ANKRD44: variants seen among roughly 807,000 people sequenced by gnomAD.
ANKRD44 encodes serine/threonine-protein phosphatase 6 regulatory ankyrin repeat subunit B.
A neutral mutation model predicts 116.0 loss-of-function variants in ANKRD44; 35 were observed. That is an observed-to-expected ratio of 0.30 (90% CI 0.23 to 0.40). ANKRD44 has a LOEUF of 0.40. Ranked by LOEUF, ANKRD44 falls within the 10% of genes least tolerant of loss-of-function variation. The pLI, the probability that ANKRD44 is intolerant of heterozygous loss-of-function variation, is 1.00. For missense variants in ANKRD44, 1,014 were observed against 1,242.6 expected, an observed-to-expected ratio of 0.82 and a Z score of 2.77; for synonymous variants, 435 against 461.8, an observed-to-expected ratio of 0.94 and a Z score of 0.74.
At chr2:197,016,290 C>T (rs539196034) in intron 17 of ANKRD44, among the ~76,000 whole-genome samples, 6 of 152,184 alleles carry the variant, frequency 3.9e-5, no homozygotes, top group African/African-American at 1.2e-4. Flanking sequence ...TTTTATCTGT[C>T]GTAGCTTTAT....
At position 197,118,670 on chromosome 2, in the gene ANKRD44, A is replaced by AGAAG. The variant is rs60392063; in HGVS notation, c.906+2661_906+2662insCTTC. Among the ~76,000 whole-genome samples the AGAAG allele has an allele frequency of 6.8e-3, 1,027 of 151,494 alleles. 6 individuals are homozygous for AGAAG. Among genetic ancestry groups the AGAAG allele is most frequent in the Middle Eastern group, 0.031 (9 of 292 alleles). On this transcript the variant is annotated intron_variant, in intron 8 of 27. Transcript: ENST00000282272. Reference sequence around the variant, plus strand: ...AAGAAAGAAAGAAAGAAAGAAAGAAAGAAAGAAAAACCTAAATCATAATTT... The same window carrying AGAAG: ...AAGAAAGAAAGAAAGAAAGAAAGAAAGAAGGAAAGAAAAACCTAAATCATAATTT...
chr2:197,304,278 T>A (rs992566264), intron 1 of ANKRD44, among the ~76,000 whole-genome samples: 3 of 152,120 alleles, frequency 2.0e-5, no homozygotes, highest in Non-Finnish European at 2.9e-5. Context: ...TGCACCACTA[T>A]ACTCCAGCCT....
chr2:197,146,063 A>G (rs760528548), intron 3 of ANKRD44, among the ~76,000 whole-genome samples: 4 of 152,244 alleles, frequency 2.6e-5, no homozygotes, highest in Admixed American at 1.3e-4. Flanking sequence ...TTGGTGAGAT[A>G]TACTGAGCAT....
At chr2:197,016,323 C>T (rs1226090147) in intron 17 of ANKRD44, among the ~76,000 whole-genome samples, 1 of 152,000 alleles carries the variant, frequency 6.6e-6, no homozygotes, top group Non-Finnish European at 1.5e-5. Flanking sequence ...CTTTTCATTA[C>T]GTCAGGTATA....
chr2:197,297,500 C>T (rs1294743289), intron 1 of ANKRD44, among the ~76,000 whole-genome samples: 1 of 152,182 alleles, frequency 6.6e-6, no homozygotes, highest in East Asian at 1.9e-4. Context: ...CAAGGACCAC[C>T]TGCTATACAA....
chr2:197,307,943 G>A (rs938194399), intron 1 of ANKRD44, among the ~76,000 whole-genome samples: 21 of 152,158 alleles, frequency 1.4e-4, no homozygotes, highest in African/African-American at 4.6e-4. Flanking sequence ...GCTGAGGCAG[G>A]TGGACTGTTT....
At chr2:197,023,933 A>G (rs1055334653) in intron 17 of ANKRD44, among the ~76,000 whole-genome samples, 2 of 152,154 alleles carry the variant, frequency 1.3e-5, no homozygotes, top group Non-Finnish European at 2.9e-5. Flanking sequence ...CCCTGATTTC[A>G]CTGGACTCAA....
intron 15 of ANKRD44, among the ~76,000 whole-genome samples, chr2:197,079,436 A>C (rs1409041899): frequency 6.6e-6 from 1 of 152,262 alleles, no homozygotes; most frequent in Non-Finnish European, 1.5e-5. Flanking sequence ...TCAATGTTTA[A>C]AGCCTTTTCA....
chr2:197,028,579 A>G (rs1345620107), intron 16 of ANKRD44: 1 of 155,254 alleles, frequency 6.4e-6, no homozygotes, highest in Admixed American at 6.5e-5. Flanking sequence ...CTACAGCTCC[A>G]GAGGTGATTT....
At chr2:197,208,287 C>T (rs925182694) in intron 1 of ANKRD44, among the ~76,000 whole-genome samples, 6 of 152,152 alleles carry the variant, frequency 3.9e-5, no homozygotes, top group African/African-American at 1.2e-4. Context: ...AGAGAAGGGG[C>T]TGGTAGTTTC....
intron 1 of ANKRD44, among the ~76,000 whole-genome samples, chr2:197,239,879 C>T (rs2125793264): frequency 6.6e-6 from 1 of 152,244 alleles, no homozygotes; most frequent in African/African-American, 2.4e-5. Context: ...TATGTAAAAA[C>T]TAATGCAACC....
At chr2:196,985,010 T>C (rs567179294), downstream of ANKRD44, among the ~76,000 whole-genome samples, 1 of 152,306 alleles carries the variant, frequency 6.6e-6, no homozygotes, top group South Asian at 2.1e-4. Context: ...GTTGCAAAAA[T>C]CTGTGACTCT....
intron 1 of ANKRD44, among the ~76,000 whole-genome samples, chr2:197,266,498 A>C (rs1179972402): frequency 6.6e-6 from 1 of 151,584 alleles, no homozygotes; most frequent in African/African-American, 2.4e-5. Context: ...ACATTAAATC[A>C]CTCAATTTTT....
chr2:197,067,263 C>T (rs891095601), intron 16 of ANKRD44, among the ~76,000 whole-genome samples: 2 of 152,066 alleles, frequency 1.3e-5, no homozygotes, highest in African/African-American at 4.8e-5. Flanking sequence ...CCCTTCCTTA[C>T]ATCTTATACA....
At chr2:197,191,990 A>T (rs2080835175) in intron 1 of ANKRD44, among the ~76,000 whole-genome samples, 1 of 152,318 alleles carries the variant, frequency 6.6e-6, no homozygotes, top group East Asian at 1.9e-4. Context: ...GTCATCAGAC[A>T]CACCCTCCAT....
chr2:196,988,918 A>ACT lies in ANKRD44; in HGVS notation c.*671_*672dup. 1 of 985,458 alleles carries ACT rather than the reference A, an allele frequency of 1.0e-6. No individual in the cohort carries two copies. Among genetic ancestry groups the ACT allele is most frequent in the East Asian group, 1.1e-4 (1 of 8,820 alleles). The allele number at this position is 985,458 out of a possible 1,614,324, so 61.0% of individuals were successfully genotyped here. On this transcript the variant is annotated 3_prime_UTR_variant, in exon 28 of 28. Transcript: ENST00000282272. ...TGTGCTGCCTTTGTGTATATGATCC[A>ACT]CTACACATCTGAGTTTTCATCTCGC...
chr2:197,149,947 T>A, intron 2 of ANKRD44, among the ~76,000 whole-genome samples: 1 of 152,222 alleles, frequency 6.6e-6, no homozygotes, highest in East Asian at 1.9e-4. Flanking sequence ...TAATACTGGT[T>A]AAAATGGGTT....
chr2:197,261,963 G>A (rs1016940513), intron 1 of ANKRD44, among the ~76,000 whole-genome samples: 1 of 152,102 alleles, frequency 6.6e-6, no homozygotes. Flanking sequence ...GAGAAAAACC[G>A]AGGGCAAAAT....
Position 197,005,697 on chromosome 2 carries a change from T to C in ANKRD44, c.2344A>G (p.Asn782Asp), listed in dbSNP as rs1559410840. ...AGTCAAATGATAAGCAACTCACCAT[T>C]GTAACAAGCCCAGTGCAGCGGCGTG... The part of the protein sequence containing the change: ...GYTPLHWACY[N>D]GNENCIEVLL... The change falls in exon 21 of 28, where the codon AAT (asparagine) becomes GAT (aspartate). Residue 782 changes from asparagine to aspartate, a missense_variant. By Grantham distance (23) the Asn-to-Asp change is conservative (BLOSUM62 1). Transcript: ENST00000282272. The C allele has an allele frequency of 1.2e-6, 2 of 1,614,084 alleles. No individual in the cohort carries two copies. Among genetic ancestry groups the C allele is most frequent in the Non-Finnish European group, 1.7e-6 (2 of 1,179,964 alleles).
Sources: allele counts gnomAD v4.1 joint callset (sites outside exome capture counted in the v4.1 genomes callset), GRCh38; gene constraint gnomAD v4.1.1; transcripts MANE v1.5; gene names NCBI Gene and HGNC (gene_info 2026-07-23, HGNC 2026-07-21).